The following CDK14 variants were observed in gnomAD, a reference collection of about 807,000 sequenced individuals.
CDK14 encodes cyclin dependent kinase 14, also known as cyclin-dependent kinase 14.
Under a neutral mutation model 60.7 loss-of-function variants are expected in CDK14, and 34 were observed. The observed-to-expected ratio is 0.56, with a 90% CI of 0.43 to 0.75. The LOEUF (loss-of-function observed/expected upper bound fraction) is 0.75, where lower values mean the gene tolerates loss of function less well. Ranked by LOEUF, CDK14 falls within the 30% of genes least tolerant of loss-of-function variation. The pLI, the probability that CDK14 is intolerant of heterozygous loss-of-function variation, is 0.00. For missense variants in CDK14, 482 were observed against 564.1 expected (o/e 0.85, Z 1.47); for synonymous variants, 197 against 203.7 (o/e 0.97, Z 0.28).
At chr7:90,923,309 C>T (rs1383632628) in intron 8 of CDK14, among the ~76,000 whole-genome samples, 1 of 152,032 alleles carries the variant, frequency 6.6e-6, no homozygotes, top group African/African-American at 2.4e-5. Flanking sequence ...CAGGGTTTCA[C>T]CGTGTTAGCC....
chr7:90,811,902 C>G (rs1332027639), intron 5 of CDK14, among the ~76,000 whole-genome samples: 2 of 152,184 alleles, frequency 1.3e-5, no homozygotes, highest in Non-Finnish European at 2.9e-5. Context: ...AAATGCAAAT[C>G]AAAGCCACAA....
At chr7:90,993,950 G>A (rs1361874408) in intron 10 of CDK14, among the ~76,000 whole-genome samples, 2 of 151,886 alleles carry the variant, frequency 1.3e-5, no homozygotes, top group Admixed American at 6.6e-5. Flanking sequence ...TGTCTTAAAT[G>A]TTTTGAAAAA....
intron 10 of CDK14, among the ~76,000 whole-genome samples, chr7:91,034,945 T>TACACACACACAC (rs35003949): frequency 5.3e-4 from 78 of 146,090 alleles, no homozygotes; most frequent in East Asian, 4.5e-3. Context: ...CACATACACA[T>TACACACACACAC]ACACACACAC....
chr7:91,095,181 A>G (rs1483175747), intron 12 of CDK14, among the ~76,000 whole-genome samples: 1 of 152,222 alleles, frequency 6.6e-6, no homozygotes, highest in Non-Finnish European at 1.5e-5. Flanking sequence ...GAAAAAGAGC[A>G]CTGGCAGCCT....
chr7:90,972,659 G>A (rs892303964), intron 9 of CDK14, among the ~76,000 whole-genome samples: 1 of 152,188 alleles, frequency 6.6e-6, no homozygotes, highest in Admixed American at 6.5e-5. Context: ...TTCTGAGTTT[G>A]TATTGCATCC....
In CDK14 at chr7:90,878,330, T is replaced by A. The variant is rs548207849; in HGVS notation, c.639+15061T>A. On this transcript the variant is annotated intron_variant, in intron 6 of 14. Coordinates refer to ENST00000380050, the MANE Select transcript of CDK14 (RefSeq NM_001287135.2). ...TTGAGGTCAGGCCTTTCCTCAGGCT[T>A]CCTATATCTGGTGACTGCAAAACAT... Among the ~76,000 whole-genome samples the A allele has an allele frequency of 6.6e-5, 10 of 152,200 alleles. No individual in the cohort carries two copies. In the South Asian group the frequency reaches 2.1e-3, roughly 32 times the overall value.
intron 8 of CDK14, among the ~76,000 whole-genome samples, chr7:90,952,628 A>G (rs1484599351): frequency 2.0e-5 from 3 of 152,224 alleles, no homozygotes; most frequent in African/African-American, 4.8e-5. Context: ...AGCAACGTGC[A>G]TATAACCTGC....
At chr7:91,129,204 G>A (rs1800046064) in intron 14 of CDK14, among the ~76,000 whole-genome samples, 1 of 152,178 alleles carries the variant, frequency 6.6e-6, no homozygotes, top group Admixed American at 6.5e-5. Context: ...CATTTACACT[G>A]TGTTGACATT....
chr7:91,028,403 G>A lies in CDK14; in HGVS notation c.1042-17494G>A, dbSNP rs147154885. Among the ~76,000 whole-genome samples, 15 of 152,212 alleles carry A rather than the reference G, an allele frequency of 9.9e-5. No homozygotes were observed. The East Asian group carries it at 2.9e-3, about 29-fold the overall frequency. ...TCCTACAATTAATGTGGGAGTGCAG[G>A]TATCTTTTTTATATGATTTATTTTC... On this transcript the variant is annotated intron_variant, in intron 10 of 14. Coordinates refer to ENST00000380050, the MANE Select transcript of CDK14 (RefSeq NM_001287135.2).
At chr7:91,156,528 G>C (rs1800988658) in intron 14 of CDK14, among the ~76,000 whole-genome samples, 1 of 152,036 alleles carries the variant, frequency 6.6e-6, no homozygotes, top group African/African-American at 2.4e-5. Context: ...TGACTGAAAG[G>C]AAATGAATAA....
At chr7:91,159,926 C>T (rs1230402579) in intron 14 of CDK14, among the ~76,000 whole-genome samples, 3 of 152,148 alleles carry the variant, frequency 2.0e-5, no homozygotes, top group African/African-American at 7.2e-5. Flanking sequence ...CTCGGTTTTC[C>T]TCTTGTTTTC....
intron 9 of CDK14, among the ~76,000 whole-genome samples, chr7:90,959,849 A>T (rs374767980): frequency 3.9e-5 from 6 of 152,200 alleles, no homozygotes; most frequent in African/African-American, 1.4e-4. Context: ...TGATACTTTT[A>T]TGAAAATAGA....
intron 14 of CDK14, among the ~76,000 whole-genome samples, chr7:91,160,682 C>G (rs1440665025): frequency 6.6e-6 from 1 of 151,900 alleles, no homozygotes; most frequent in Non-Finnish European, 1.5e-5. Flanking sequence ...GATTTTCTTT[C>G]TCTGTTTCAA....
Position 90,691,341 on chromosome 7 carries a change from T to C in CDK14, c.124-35226T>C, listed in dbSNP as rs376056285. Among the ~76,000 whole-genome samples, 41 of 152,212 alleles carry C rather than the reference T, an allele frequency of 2.7e-4. No homozygotes were observed. The South Asian group carries it at 8.3e-3, about 31-fold the overall frequency. On this transcript the variant is annotated intron_variant, in intron 2 of 14. Transcript: ENST00000380050. The stretch of plus-strand genomic sequence containing the variant: ...AAAGAGAAGGGGGGTATAGGAAAGT[T>C]TGTCATTTTAAATAGGATGGTCAGG...
intron 5 of CDK14, among the ~76,000 whole-genome samples, chr7:90,811,377 T>C (rs1789104159): frequency 6.6e-6 from 1 of 152,064 alleles, no homozygotes. Flanking sequence ...AAGGATTCCC[T>C]ATTTAATAAA....
rs74490473 is a variant in CDK14 at position 90,813,146 on chromosome 7, A to G, written c.544+22494A>G. Among the ~76,000 whole-genome samples, 794 of 152,322 alleles carry G rather than the reference A, an allele frequency of 5.2e-3. 8 individuals are homozygous for G. The highest frequency in any genetic ancestry group is 0.017 in the African/African-American group (716 of 41,568). On this transcript the variant is annotated intron_variant, in intron 5 of 14. Coordinates refer to ENST00000380050, the MANE Select transcript of CDK14 (RefSeq NM_001287135.2). ...GCTAAGTTAAATAACACTTGGTTGT[A>G]TATACCAAGCGTATTTTGTTTGTTT...
chr7:91,010,815 TCCTTCCTTCCTTCCTTCCTCCCTCCCTC>T (rs1243824901), intron 10 of CDK14, among the ~76,000 whole-genome samples: 53 of 111,302 alleles, frequency 4.8e-4, no homozygotes, highest in African/African-American at 1.6e-3. Context: ...CTTCCTTCCT[TCCTTCCTTCCTTCCTTCCTCCCTCCCTC>T]CCTCCCTCCC....
chr7:90,603,557 G>T (rs1211158074), intron 1 of CDK14, among the ~76,000 whole-genome samples: 1 of 152,156 alleles, frequency 6.6e-6, no homozygotes, highest in Non-Finnish European at 1.5e-5. Context: ...CAATGAAATT[G>T]CCTAAGGGTG....
chr7:90,824,077 G>A (rs1562787463), intron 5 of CDK14, among the ~76,000 whole-genome samples: 1 of 152,186 alleles, frequency 6.6e-6, no homozygotes, highest in African/African-American at 2.4e-5. Flanking sequence ...AGATGCTTGT[G>A]ATGTGAGCTT....
Sources: gnomAD v4.1 joint callset for allele counts (sites outside exome capture counted in the v4.1 genomes callset) on GRCh38, gnomAD v4.1.1 for gene constraint, MANE v1.5 for transcripts, NCBI Gene and HGNC (gene_info 2026-07-23, HGNC 2026-07-21) for gene names.